Variants in ADCY2 observed in about 807,000 individuals in gnomAD.
ADCY2 encodes the protein adenylate cyclase type 2.
In ADCY2, 31 loss-of-function variants were observed where a neutral mutation model predicts 125.2. That is an observed-to-expected ratio of 0.25 (90% confidence interval 0.19 to 0.33). The LOEUF (loss-of-function observed/expected upper bound fraction) is 0.33. Ranked by LOEUF, ADCY2 falls within the 10% of genes least tolerant of loss-of-function variation. The probability of loss-of-function intolerance (pLI) is 1.00; values close to 1 mark genes in which losing one functional copy is unlikely to be tolerated. For synonymous variants in ADCY2, 512 were observed against 548.4 expected (o/e 0.93, Z 0.93); for missense variants, 904 against 1,418.2 (o/e 0.64, Z 5.82).
At chr5:7,573,884 A>G (rs1736153924) in intron 3 of ADCY2, among the ~76,000 whole-genome samples, 1 of 130,752 alleles carries the variant, frequency 7.6e-6, no homozygotes, top group African/African-American at 2.8e-5. Flanking sequence ...AGCATTAGGT[A>G]TATCTCCCAA....
intron 2 of ADCY2, among the ~76,000 whole-genome samples, chr5:7,445,775 CTTCT>C (rs1304785179): frequency 6.6e-6 from 1 of 152,014 alleles, no homozygotes; most frequent in Admixed American, 6.6e-5. Context: ...AGCACTGTGT[CTTCT>C]TTTTTTCATA....
chr5:7,543,299 AT>A (rs1735049653), intron 3 of ADCY2, among the ~76,000 whole-genome samples: 1 of 152,200 alleles, frequency 6.6e-6, no homozygotes, highest in Non-Finnish European at 1.5e-5. Flanking sequence ...ATAGTACAGT[AT>A]CTGAATCTAA....
chr5:7,527,109 G>A (rs1045479888), intron 3 of ADCY2, among the ~76,000 whole-genome samples: 1 of 152,196 alleles, frequency 6.6e-6, no homozygotes, highest in African/African-American at 2.4e-5. Flanking sequence ...AAAAGAAGAT[G>A]TGAAACCCTT....
At chr5:7,589,458 AAAAG>A (rs369587426) in intron 3 of ADCY2, among the ~76,000 whole-genome samples, 2,364 of 72,966 alleles carry the variant, frequency 0.032, 62 homozygotes, top group African/African-American at 0.063. Flanking sequence ...GAAGGAAAGA[AAAAG>A]AAAGAAAGAA....
intron 10 of ADCY2, among the ~76,000 whole-genome samples, chr5:7,710,707 G>C (rs895900318): frequency 6.6e-6 from 1 of 152,186 alleles, no homozygotes; most frequent in African/African-American, 2.4e-5. Flanking sequence ...TGCATTCTGT[G>C]TGCAATTGGA....
At chr5:7,460,276 T>G (rs1741869306) in intron 2 of ADCY2, among the ~76,000 whole-genome samples, 1 of 152,122 alleles carries the variant, frequency 6.6e-6, no homozygotes, top group Non-Finnish European at 1.5e-5. Context: ...TTGCCCAGGC[T>G]GAAGAGCAGT....
At chr5:7,649,276 T>G (rs973072598) in intron 4 of ADCY2, among the ~76,000 whole-genome samples, 2 of 152,212 alleles carry the variant, frequency 1.3e-5, no homozygotes, top group African/African-American at 4.8e-5. Context: ...AGATTAAGCC[T>G]GGACATTTGA....
intron 4 of ADCY2, among the ~76,000 whole-genome samples, chr5:7,673,404 C>A (rs1391575777): frequency 6.6e-6 from 1 of 150,704 alleles, no homozygotes; most frequent in African/African-American, 2.4e-5. Flanking sequence ...AGCCACTGCA[C>A]TCCAGCCTGG....
chr5:7,793,373 C>G (rs1351591699), intron 20 of ADCY2, among the ~76,000 whole-genome samples: 3 of 152,234 alleles, frequency 2.0e-5, no homozygotes, highest in Non-Finnish European at 4.4e-5. Context: ...ATCGCACCAA[C>G]CCAGGAGGCA....
At chr5:7,644,444 T>A (rs1338865163) in intron 4 of ADCY2, among the ~76,000 whole-genome samples, 1 of 152,100 alleles carries the variant, frequency 6.6e-6, no homozygotes, top group African/African-American at 2.4e-5. Flanking sequence ...ACACACATTC[T>A]CTAGGACTCT....
rs1464413468 is a variant in ADCY2, at chr5:7,695,764, T to C, written c.882T>C (p.Ala294=). ...KRHTNVSILY[A]DIVGFTRLAS... ...TTTCTTCCCACAGCATCTTATACGC[T>C]GACATCGTTGGCTTTACCCGGCTGG... is the stretch of plus-strand genomic sequence containing the variant. The change falls in exon 6 of 25, where the codon GCT becomes GCC. Residue 294 remains alanine, a synonymous_variant. Coordinates refer to ENST00000338316, the MANE Select transcript of ADCY2 (RefSeq NM_020546.3). The C allele has an allele frequency of 6.2e-7, 1 of 1,611,838 alleles. No homozygotes were observed. Among genetic ancestry groups the C allele is most frequent in the Non-Finnish European group, 8.5e-7 (1 of 1,178,656 alleles).
rs1744631214 is a variant in ADCY2, at chr5:7,802,620, G to A, written c.2775+256G>A. ...CTGTTAAATCAAATGTGTATCCAGT[G>A]TGCTAGTGGATTCTTTACAAAGGCT... On this transcript the variant is annotated intron_variant, in intron 21 of 24. Transcript: ENST00000338316. This position sits in a 1 kb window ranked among gnomAD's most constrained non-coding sequence, Gnocchi z 4.6. Among the ~76,000 whole-genome samples the A allele has an allele frequency of 6.6e-6, 1 of 152,218 alleles. No individual in the cohort carries two copies. The highest frequency in any genetic ancestry group is 1.5e-5 in the Non-Finnish European group (1 of 68,046).
chr5:7,568,476 T>C (rs1467294319), intron 3 of ADCY2, among the ~76,000 whole-genome samples: 1 of 152,090 alleles, frequency 6.6e-6, no homozygotes, highest in Non-Finnish European at 1.5e-5. Flanking sequence ...GAAATTTTGT[T>C]GTATGAGTGC....
rs1312306037 is a variant in ADCY2, at chr5:7,692,531, G to A, written c.869+1692G>A. Among the ~76,000 whole-genome samples, 8 of 152,292 alleles carry A rather than the reference G, an allele frequency of 5.3e-5. No individual in the cohort carries two copies. In the East Asian group the frequency reaches 7.7e-4, roughly 15 times the overall value. ...CTGGCTTGCCTTCAGGTTTGTGAGA[G>A]TTTTGCCTATACAATTATAGAAGAA... On this transcript the variant is annotated intron_variant, in intron 5 of 24. Coordinates refer to ENST00000338316, the MANE Select transcript of ADCY2 (RefSeq NM_020546.3).
At chr5:7,765,643 A>G (rs1207521767) in intron 16 of ADCY2, among the ~76,000 whole-genome samples, 1 of 152,236 alleles carries the variant, frequency 6.6e-6, no homozygotes, top group Non-Finnish European at 1.5e-5. Context: ...GACAAGAACT[A>G]TGCAATCCAG....
intron 2 of ADCY2, among the ~76,000 whole-genome samples, chr5:7,436,283 C>A (rs549779768): frequency 1.2e-4 from 18 of 152,206 alleles, no homozygotes; most frequent in African/African-American, 4.1e-4. Context: ...ATAACTACCT[C>A]GAGTAAAAAG....
At chr5:7,726,888 T>C (rs1284918311) in intron 13 of ADCY2, among the ~76,000 whole-genome samples, 3 of 152,138 alleles carry the variant, frequency 2.0e-5, no homozygotes, top group African/African-American at 4.8e-5. Flanking sequence ...GTCAGGTGCC[T>C]CTCTCCTTAC....
chr5:7,660,238 GAGAAGGA>G (rs1320872795), intron 4 of ADCY2, among the ~76,000 whole-genome samples: 1 of 94,600 alleles, frequency 1.1e-5, no homozygotes, highest in East Asian at 3.4e-4. Context: ...GAGGGAGGGA[GAGAAGGA>G]AGGAAGGAAG....
At chr5:7,454,199 T>C (rs1157291308) in intron 2 of ADCY2, among the ~76,000 whole-genome samples, 1 of 152,198 alleles carries the variant, frequency 6.6e-6, no homozygotes, top group Non-Finnish European at 1.5e-5. Context: ...GCAAGACCTT[T>C]CATCAGCAAA....
Sources: gnomAD v4.1 joint callset for allele counts (sites outside exome capture counted in the v4.1 genomes callset) on GRCh38, gnomAD v4.1.1 for gene constraint, Gnocchi (gnomAD v3.1) non-coding constraint, MANE v1.5 for transcripts, NCBI Gene and HGNC (gene_info 2026-07-23, HGNC 2026-07-21) for gene names.